DOCK1: variants seen among roughly 807,000 people sequenced by gnomAD.
DOCK1 encodes the protein dedicator of cytokinesis 1.
Under a neutral mutation model 262.7 loss-of-function variants are expected in DOCK1, and 138 were observed. The ratio of observed to expected loss-of-function variants is 0.53; its 90% CI spans 0.46 to 0.61. The LOEUF (loss-of-function observed/expected upper bound fraction) is 0.61. DOCK1 is among the 20% of genes least tolerant of loss of function. The pLI is 0.00. For missense variants in DOCK1, 1,908 were observed against 2,370.7 expected, an observed-to-expected ratio of 0.80 and a Z score of 4.05; for synonymous variants, 866 against 867.4, an observed-to-expected ratio of 1.00 and a Z score of 0.03.
chr10:126,981,183 G>A (rs111769006), intron 3 of DOCK1, among the ~76,000 whole-genome samples: 3,186 of 152,098 alleles, frequency 0.021, 116 homozygotes, highest in African/African-American at 0.072. Context: ...CCTGACCTCA[G>A]GTGATCCACA....
chr10:127,271,121 C>G (rs186788331), intron 29 of DOCK1, among the ~76,000 whole-genome samples: 1 of 151,452 alleles, frequency 6.6e-6, no homozygotes, highest in African/African-American at 2.4e-5. Flanking sequence ...TCAGTGACTG[C>G]AGGATTTTTT....
intron 32 of DOCK1, among the ~76,000 whole-genome samples, chr10:127,359,141 G>A: frequency 6.8e-6 from 1 of 148,106 alleles, no homozygotes; most frequent in Non-Finnish European, 1.5e-5. Context: ...TAATGCAAAT[G>A]TCAAAAAAAA....
At chr10:126,982,274 C>A (rs2039040751) in intron 4 of DOCK1, among the ~76,000 whole-genome samples, 1 of 152,176 alleles carries the variant, frequency 6.6e-6, no homozygotes, top group African/African-American at 2.4e-5. Flanking sequence ...CTACTGACTT[C>A]ATTTGGCAGA....
At chr10:127,190,536 C>T (rs2056643717) in intron 27 of DOCK1, among the ~76,000 whole-genome samples, 1 of 96,426 alleles carries the variant, frequency 1.0e-5, no homozygotes, top group Admixed American at 1.0e-4. Context: ...ATCGCTTCAT[C>T]CAATTTCCTC....
At chr10:127,213,459 TGGGGGTGTTTTTCAAA>T (rs2058069284) in intron 27 of DOCK1, among the ~76,000 whole-genome samples, 1 of 152,342 alleles carries the variant, frequency 6.6e-6, no homozygotes, top group South Asian at 2.1e-4. Flanking sequence ...GAATCATTTT[TGGGGGTGTTTTTCAAA>T]ATGTTTGATT....
chr10:127,447,721 G>A (rs1459590156), intron 51 of DOCK1, among the ~76,000 whole-genome samples, 176 bp downstream of exon 51: 2 of 152,202 alleles, frequency 1.3e-5, no homozygotes, highest in African/African-American at 4.8e-5. Context: ...AAGGACTCCA[G>A]TGGGTAAGAT....
At chr10:127,177,664 C>G (rs1048189687) in intron 27 of DOCK1, among the ~76,000 whole-genome samples, 1 of 152,338 alleles carries the variant, frequency 6.6e-6, no homozygotes, top group Middle Eastern at 3.4e-3. Context: ...AGCTGCCGAC[C>G]TTGTGCCCTG....
At chr10:127,073,250 C>T (rs760362502) in intron 23 of DOCK1, among the ~76,000 whole-genome samples, 1 of 152,226 alleles carries the variant, frequency 6.6e-6, no homozygotes, top group Non-Finnish European at 1.5e-5. Context: ...TACAGATTCA[C>T]TGCAGTCCCA....
chr10:127,322,926 A>G (rs143901747), intron 29 of DOCK1, among the ~76,000 whole-genome samples: 1 of 152,358 alleles, frequency 6.6e-6, no homozygotes, highest in East Asian at 1.9e-4. Flanking sequence ...ACAGACTGCA[A>G]TCAATAATCA....
At chr10:127,167,436 G>A (rs1211925045) in intron 27 of DOCK1, among the ~76,000 whole-genome samples, 1 of 152,142 alleles carries the variant, frequency 6.6e-6, no homozygotes, top group Non-Finnish European at 1.5e-5. Flanking sequence ...GAAGTGTCAA[G>A]AGGAAAAAGA....
At chr10:127,330,786 G>A (rs1460972223) in intron 29 of DOCK1, among the ~76,000 whole-genome samples, 1 of 152,178 alleles carries the variant, frequency 6.6e-6, no homozygotes, top group Non-Finnish European at 1.5e-5. Context: ...TAATCAATAA[G>A]CTATAGAAGA....
Position 127,410,902 on chromosome 10 carries a change from A to G in DOCK1, c.4406A>G (p.Lys1469Arg). ...TCTCGGCCAATCCGGAAGGGAGAGA[A>G]AAACCCAGACAATGAATTTGCGGTA... ...EYSRPIRKGE[K>R]NPDNEFANMW... Residue 1469 changes from lysine (K) to arginine (R), a missense_variant, in exon 43 of 52, where the codon AAA becomes AGA. Physicochemically the swap from Lys to Arg is conservative, Grantham distance 26. This residue lies in a region of DOCK1 where 267 missense variants were observed against 366.3 expected (regional missense o/e 0.73). Transcript: ENST00000623213. 1 of 1,613,822 alleles carries G rather than the reference A, an allele frequency of 6.2e-7. No individual in the cohort carries two copies. The highest frequency in any genetic ancestry group is 8.5e-7 in the Non-Finnish European group (1 of 1,179,840).
At chr10:127,326,965 G>A (rs1183727121) in intron 29 of DOCK1, among the ~76,000 whole-genome samples, 4 of 152,178 alleles carry the variant, frequency 2.6e-5, no homozygotes, top group Non-Finnish European at 5.9e-5. Flanking sequence ...AAGGCATCTT[G>A]TTTCTGAGTA....
intron 23 of DOCK1, among the ~76,000 whole-genome samples, chr10:127,074,568 A>G (rs374373203): frequency 1.3e-4 from 20 of 152,212 alleles, no homozygotes; most frequent in African/African-American, 2.4e-4. Flanking sequence ...AATATGGTAC[A>G]TTGAATTAGC....
At chr10:127,430,014 C>T (rs1312030066) in intron 47 of DOCK1, among the ~76,000 whole-genome samples, 1 of 152,208 alleles carries the variant, frequency 6.6e-6, no homozygotes, top group Non-Finnish European at 1.5e-5. Flanking sequence ...CTCATCACTC[C>T]AAACACCATG....
At chr10:127,129,973 G>C (rs1337930564) in intron 27 of DOCK1, among the ~76,000 whole-genome samples, 1 of 151,700 alleles carries the variant, frequency 6.6e-6, no homozygotes, top group Non-Finnish European at 1.5e-5. Context: ...AGGAGGTCCT[G>C]TCTCTGGTCA....
At chr10:127,220,750 A>G (rs1403395744) in intron 27 of DOCK1, among the ~76,000 whole-genome samples, 1 of 151,744 alleles carries the variant, frequency 6.6e-6, no homozygotes, top group Non-Finnish European at 1.5e-5. Context: ...TCCATCTTCT[A>G]CCTTTAAAGA....
intron 27 of DOCK1, among the ~76,000 whole-genome samples, chr10:127,240,992 A>C (rs975120507): frequency 3.9e-5 from 6 of 152,202 alleles, no homozygotes; most frequent in Admixed American, 1.3e-4. Flanking sequence ...AGATATGATG[A>C]TCATGAATAT....
intron 27 of DOCK1, among the ~76,000 whole-genome samples, chr10:127,193,380 C>A (rs2056884928): frequency 6.6e-6 from 1 of 152,184 alleles, no homozygotes; most frequent in African/African-American, 2.4e-5. Context: ...TGAACAGCAT[C>A]CTTCACAAGC....
Sources: gnomAD v4.1 joint callset for allele counts (sites outside exome capture counted in the v4.1 genomes callset) on GRCh38, gnomAD v4.1.1 for gene constraint, gnomAD v4.1.1 regional missense constraint, MANE v1.5 for transcripts, NCBI Gene and HGNC (gene_info 2026-07-23, HGNC 2026-07-21) for gene names.